Variants in FA2H observed in about 807,000 individuals in gnomAD.
FA2H encodes fatty acid alpha-hydroxylase.
In FA2H, 22 loss-of-function variants were observed where a neutral mutation model predicts 44.9. That is an observed-to-expected ratio of 0.49 (90% CI 0.35 to 0.70). The LOEUF (loss-of-function observed/expected upper bound fraction) is 0.70. Among genes scored for constraint, FA2H ranks in the 30% least tolerant of loss-of-function variants. FA2H has a pLI of 0.01. For synonymous variants in FA2H, 243 were observed against 213.2 expected, an observed-to-expected ratio of 1.14 and a Z score of -1.22; for missense variants, 501 against 504.9, an observed-to-expected ratio of 0.99 and a Z score of 0.07.
intron 1 of FA2H, among the ~76,000 whole-genome samples, chr16:74,773,959 G>C (rs145122660): frequency 2.0e-5 from 3 of 152,194 alleles, no homozygotes; most frequent in African/African-American, 7.2e-5. Context: ...CATGGCCCAG[G>C]CAAGGCCAGG....
At chr16:74,730,192 G>T (rs546994622) in intron 2 of FA2H, among the ~76,000 whole-genome samples, 1 of 152,198 alleles carries the variant, frequency 6.6e-6, no homozygotes, top group South Asian at 2.1e-4. Context: ...GAGCAAGCAG[G>T]CAAGGCCACT....
chr16:74,758,179 G>T (rs1336428734), intron 1 of FA2H, among the ~76,000 whole-genome samples: 1 of 144,594 alleles, frequency 6.9e-6, no homozygotes, highest in Non-Finnish European at 1.5e-5. Flanking sequence ...GGAGTGCAAT[G>T]GTGTGATCTT....
chr16:74,757,105 G>A (rs1962626441), intron 1 of FA2H, among the ~76,000 whole-genome samples: 1 of 150,970 alleles, frequency 6.6e-6, no homozygotes, highest in Non-Finnish European at 1.5e-5. Context: ...TAACACAGAT[G>A]CCAAAAAACA....
At chr16:74,734,796 G>A (rs1248488480) in intron 2 of FA2H, among the ~76,000 whole-genome samples, 1 of 152,224 alleles carries the variant, frequency 6.6e-6, no homozygotes, top group Admixed American at 6.5e-5. Context: ...CAAATGTGGT[G>A]AGCGGGGGCA....
Position 74,726,331 on chromosome 16 carries a change from C to T in FA2H, c.507G>A (p.Trp169Ter). 1 of 1,604,166 alleles carries T rather than the reference C, an allele frequency of 6.2e-7. No homozygotes were observed. Among genetic ancestry groups the T allele is most frequent in the South Asian group, 1.1e-5 (1 of 90,816 alleles). The part of the protein sequence containing the change: ...DLIEGLSKTV[W>*]YSVPIIWVPL... The stretch of plus-strand genomic sequence containing the variant: ...GCACCCAGATGATGGGGACACTGTA[C>T]CTGCAGGAAGGCCATCAGGGTGAGA... Residue 169 changes from tryptophan to a stop codon, truncating the protein, a stop_gained and splice_region_variant, in exon 4 of 7, where the codon TGG (tryptophan) becomes TGA (stop). Transcript: ENST00000219368. LOFTEE classifies it high-confidence loss of function.
At chr16:74,745,411 A>G (rs1277982648) in intron 1 of FA2H, among the ~76,000 whole-genome samples, 1 of 151,940 alleles carries the variant, frequency 6.6e-6, no homozygotes, top group Non-Finnish European at 1.5e-5. Context: ...GCCCTCCCCA[A>G]CCCCCTGCCC....
At chr16:74,721,009 A>AGT (rs1361042146) in intron 4 of FA2H, among the ~76,000 whole-genome samples, 2 of 152,242 alleles carry the variant, frequency 1.3e-5, no homozygotes, top group African/African-American at 4.8e-5. Flanking sequence ...TATTGTGAAT[A>AGT]GTGCTGCTAT....
intron 2 of FA2H, among the ~76,000 whole-genome samples, chr16:74,738,422 C>T (rs575153439): frequency 6.6e-6 from 1 of 152,278 alleles, no homozygotes; most frequent in South Asian, 2.1e-4. Flanking sequence ...CCCTGAACCA[C>T]AGCTCGGGGA....
intron 4 of FA2H, among the ~76,000 whole-genome samples, chr16:74,724,295 C>T (rs1448151183): frequency 6.6e-6 from 1 of 152,168 alleles, no homozygotes. Context: ...CCGCACACCA[C>T]CCCACTGGAA....
chr16:74,726,774 G>C (rs892744056), intron 3 of FA2H, among the ~76,000 whole-genome samples: 3 of 152,164 alleles, frequency 2.0e-5, no homozygotes, highest in Non-Finnish European at 4.4e-5. Flanking sequence ...TGGAGACCTG[G>C]GGTCAAAGGG....
chr16:74,748,342 C>G lies in FA2H; in HGVS notation c.271-8227G>C, dbSNP rs373579296. On this transcript the variant is annotated intron_variant, in intron 1 of 6. Transcript: ENST00000219368. Reference sequence around the variant, plus strand: ...TGGAACAGCCCTGCCATCTCCACCACAAGCACCTTCACCGAGGCGCACATG... The same window carrying G: ...TGGAACAGCCCTGCCATCTCCACCAGAAGCACCTTCACCGAGGCGCACATG... 4.6e-5 allele frequency among the ~76,000 whole-genome samples: 7 copies of G among 152,244 alleles called. No homozygotes were observed. The East Asian group carries it at 1.2e-3, about 25-fold the overall frequency.
rs370682047 is a variant in FA2H at position 74,726,272 on chromosome 16, C to T, written c.566G>A (p.Arg189Gln). ...TCGGACGTTGCCCTGGGCAAAGGTT[C>T]GGTAGTAGGACCAGCTGAGATACAG... is the stretch of plus-strand genomic sequence containing the variant. ...LVLYLSWSYYRTFAQGNVRLF... is the reference protein window; with the variant it reads ...LVLYLSWSYYQTFAQGNVRLF... Residue 189 changes from arginine to glutamine, a missense_variant, in exon 4 of 7, where the codon CGA becomes CAA. Physicochemically the swap from Arg to Gln is conservative, Grantham distance 43. Transcript: ENST00000219368. The T allele has an allele frequency of 2.4e-5, 39 of 1,614,002 alleles. No individual in the cohort carries two copies. The highest frequency in any genetic ancestry group is 1.4e-4 in the South Asian group (13 of 91,040).
chr16:74,716,304 A>G (rs1363620874), intron 6 of FA2H, 43 bp downstream of exon 6: 2 of 1,602,900 alleles, frequency 1.2e-6, no homozygotes, highest in African/African-American at 1.3e-5. Flanking sequence ...AAATAAATCA[A>G]TGAACACACA....
In FA2H at chr16:74,713,141, A is replaced by C. The variant is rs1961614719; in HGVS notation, c.*1049T>G. 6.6e-6 allele frequency: 1 copy of C among 152,628 alleles called. No individual in the cohort carries two copies. Among genetic ancestry groups the C allele is most frequent in the Non-Finnish European group, 1.5e-5 (1 of 68,038 alleles). 9.5% of individuals were successfully genotyped at this position (152,628 alleles called of 1,614,324 possible). On this transcript the variant is annotated 3_prime_UTR_variant, in exon 7 of 7. Transcript: ENST00000219368. ...CACTTGGCGAGTTTTTTAAGTTTCA[A>C]GTAGTAATGGTTTGTGGGTAAGAAA... is the stretch of plus-strand genomic sequence containing the variant.
At chr16:74,730,062 C>T (rs1317049026) in intron 2 of FA2H, among the ~76,000 whole-genome samples, 1 of 152,174 alleles carries the variant, frequency 6.6e-6, no homozygotes, top group Non-Finnish European at 1.5e-5. Context: ...GGCCTCTCCA[C>T]CAAAGCCTGC....
At chr16:74,751,481 C>T (rs765892394) in intron 1 of FA2H, among the ~76,000 whole-genome samples, 33 of 152,174 alleles carry the variant, frequency 2.2e-4, no homozygotes, top group Middle Eastern at 6.8e-3. Context: ...GGTATAGCCT[C>T]CATTCTATGT....
intron 1 of FA2H, among the ~76,000 whole-genome samples, chr16:74,758,835 A>C (rs1174294816): frequency 6.6e-6 from 1 of 152,130 alleles, no homozygotes; most frequent in Non-Finnish European, 1.5e-5. Context: ...TCCAGGAAAA[A>C]TCTCCTTCCC....
chr16:74,719,094 C>G lies in FA2H; in HGVS notation c.680G>C (p.Ser227Thr), dbSNP rs772449065. 1.9e-6 allele frequency: 3 copies of G among 1,613,934 alleles called. No individual in the cohort carries two copies. The African/African-American group carries it at 4.0e-5, about 22-fold the overall frequency. ...GCGGTGGATGAGGTACTCGATGAGG[C>G]TCCAGAGGAATGTCCCCAGCATGAA... ...GLFMLGTFLW[S>T]LIEYLIHRFL... is the part of the protein sequence containing the mutation. The change falls in exon 5 of 7, where the codon AGC becomes ACC. Residue 227 changes from serine (S) to threonine (T), a missense_variant. By Grantham distance (58) the Ser-to-Thr change is moderately conservative. Transcript: ENST00000219368.
chr16:74,751,374 C>A (rs932633130), intron 1 of FA2H, among the ~76,000 whole-genome samples: 1 of 152,064 alleles, frequency 6.6e-6, no homozygotes, highest in Non-Finnish European at 1.5e-5. Flanking sequence ...GGGTTTATAA[C>A]TTTGAGCCAC....
Sources: allele counts gnomAD v4.1 joint callset (sites outside exome capture counted in the v4.1 genomes callset), GRCh38; gene constraint gnomAD v4.1.1; transcripts MANE v1.5; gene names NCBI Gene and HGNC (gene_info 2026-07-23, HGNC 2026-07-21).